The following PLPPR1 variants were observed in gnomAD, a reference collection of about 807,000 sequenced individuals.
PLPPR1 encodes phospholipid phosphatase-related protein type 1.
In PLPPR1, 10 loss-of-function variants were observed where a neutral mutation model predicts 33.1. The ratio of observed to expected loss-of-function variants is 0.30; its 90% CI spans 0.19 to 0.51. The LOEUF (loss-of-function observed/expected upper bound fraction) is 0.51. Ranked by LOEUF, PLPPR1 falls within the 20% of genes least tolerant of loss-of-function variation. The pLI is 0.97. For missense variants in PLPPR1, 304 were observed against 408.1 expected (o/e 0.74, Z 2.20); for synonymous variants, 151 against 151.0 (o/e 1.00, Z 0.00).
At chr9:101,074,412 A>C in intron 1 of PLPPR1, among the ~76,000 whole-genome samples, 1 of 152,158 alleles carries the variant, frequency 6.6e-6, no homozygotes, top group South Asian at 2.1e-4. Flanking sequence ...CTTACCCAAC[A>C]TGACCCAGCT....
In PLPPR1 at chr9:101,216,468, C is replaced by T. The variant is rs761459248; in HGVS notation, c.63+30911C>T. Among the ~76,000 whole-genome samples, 8 of 152,012 alleles carry T rather than the reference C, an allele frequency of 5.3e-5. No individual in the cohort carries two copies. The South Asian group carries it at 6.2e-4, about 12-fold the overall frequency. On this transcript the variant is annotated intron_variant, in intron 2 of 7. Transcript: ENST00000374874. ...TGGGTAGTTTGTAAATATTTTCTCC[C>T]GTTCTGAATGTTGTCTCTTCATTTT...
chr9:101,254,955 T>C (rs900670395), intron 2 of PLPPR1, among the ~76,000 whole-genome samples: 1 of 152,170 alleles, frequency 6.6e-6, no homozygotes, highest in African/African-American at 2.4e-5. Context: ...TGCCAGGTTG[T>C]ACTCCAAAAT....
chr9:101,122,717 A>G (rs963509018), intron 1 of PLPPR1, among the ~76,000 whole-genome samples: 3 of 152,112 alleles, frequency 2.0e-5, no homozygotes, highest in Non-Finnish European at 2.9e-5. Flanking sequence ...TATGAAAAAT[A>G]CTCTGTTCTA....
intron 1 of PLPPR1, among the ~76,000 whole-genome samples, chr9:101,116,807 CAAAAA>C (rs35906894): frequency 8.4e-6 from 1 of 118,372 alleles, no homozygotes. Context: ...GACTCCATCT[CAAAAA>C]AAAAAAAAAA....
At position 101,319,481 on chromosome 9, in the gene PLPPR1, A is replaced by G. The variant is rs142731511; in HGVS notation, c.945+1985A>G. On this transcript the variant is annotated intron_variant, in intron 7 of 7. Transcript: ENST00000374874. ...GAGGGCGGGGCTTGGGGGGGTTGGA[A>G]CAAGAAATCTACCTCCGTATCTCCA... 3.7e-4 allele frequency among the ~76,000 whole-genome samples: 57 copies of G among 152,308 alleles called. No homozygotes were observed. The East Asian group carries it at 0.011, about 29-fold the overall frequency.
intron 2 of PLPPR1, among the ~76,000 whole-genome samples, chr9:101,231,672 C>T (rs1827189683): frequency 6.6e-6 from 1 of 152,040 alleles, no homozygotes; most frequent in Admixed American, 6.6e-5. Context: ...AGGGAATTCT[C>T]ACCCTTGACA....
At chr9:101,296,976 A>G (rs536110884) in intron 4 of PLPPR1, among the ~76,000 whole-genome samples, 11 of 152,240 alleles carry the variant, frequency 7.2e-5, no homozygotes, top group Admixed American at 1.3e-4. Flanking sequence ...AAAAAACACT[A>G]TGAATCCATA....
chr9:101,310,073 G>T (rs896925703), intron 5 of PLPPR1, among the ~76,000 whole-genome samples: 3 of 152,120 alleles, frequency 2.0e-5, no homozygotes, highest in African/African-American at 7.2e-5. Flanking sequence ...CCCCACTGGG[G>T]TATAATTTTC....
chr9:101,107,976 C>T (rs1830997809), intron 1 of PLPPR1, among the ~76,000 whole-genome samples: 2 of 150,270 alleles, frequency 1.3e-5, no homozygotes. Flanking sequence ...TTGCGCTTCC[C>T]AGGTGAGGCA....
intron 5 of PLPPR1, among the ~76,000 whole-genome samples, chr9:101,310,329 C>T (rs940201600): frequency 6.6e-6 from 1 of 152,162 alleles, no homozygotes; most frequent in Non-Finnish European, 1.5e-5. Context: ...AGTGGCAGAG[C>T]AACTGTTGGC....
intron 6 of PLPPR1, among the ~76,000 whole-genome samples, chr9:101,313,278 G>A (rs1321719580): frequency 6.6e-6 from 1 of 152,028 alleles, no homozygotes; most frequent in Non-Finnish European, 1.5e-5. Flanking sequence ...ATGATAAATT[G>A]GCACACCTTC....
intron 1 of PLPPR1, among the ~76,000 whole-genome samples, chr9:101,034,689 G>A (rs935278177): frequency 5.3e-5 from 8 of 152,052 alleles, no homozygotes; most frequent in African/African-American, 1.9e-4. Flanking sequence ...TGTAAAGGTC[G>A]GACAGAGTAA....
intron 1 of PLPPR1, among the ~76,000 whole-genome samples, chr9:101,140,352 C>G (rs934842093): frequency 6.6e-6 from 1 of 152,100 alleles, no homozygotes; most frequent in African/African-American, 2.4e-5. Context: ...GTACTAGACT[C>G]TGGTTGTTAC....
At chr9:101,236,215 G>A (rs1469470757) in intron 2 of PLPPR1, among the ~76,000 whole-genome samples, 3 of 151,608 alleles carry the variant, frequency 2.0e-5, no homozygotes, top group East Asian at 1.9e-4. Context: ...GCAAACTATA[G>A]CATCTATCTT....
chr9:101,146,671 A>G (rs1418249032), intron 1 of PLPPR1, among the ~76,000 whole-genome samples: 4 of 152,214 alleles, frequency 2.6e-5, no homozygotes, highest in African/African-American at 9.6e-5. Context: ...TAAGGGCCTA[A>G]GAAGCAATTA....
chr9:101,162,289 C>T (rs1389320988), intron 1 of PLPPR1, among the ~76,000 whole-genome samples: 1 of 152,070 alleles, frequency 6.6e-6, no homozygotes, highest in Non-Finnish European at 1.5e-5. Context: ...GCTTTGTCCC[C>T]ACCCCACAAG....
At chr9:101,183,004 A>T (rs1344638564) in intron 1 of PLPPR1, among the ~76,000 whole-genome samples, 1 of 151,782 alleles carries the variant, frequency 6.6e-6, no homozygotes, top group Non-Finnish European at 1.5e-5. Flanking sequence ...AATGTCAATG[A>T]CAGTGTGGAG....
intron 1 of PLPPR1, among the ~76,000 whole-genome samples, chr9:101,031,129 C>G (rs1386652476): frequency 6.6e-6 from 1 of 152,100 alleles, no homozygotes; most frequent in Non-Finnish European, 1.5e-5. Flanking sequence ...GGGGATTTAA[C>G]TATAATTGTC....
rs370193024 is a variant in PLPPR1, at chr9:101,237,836, T to TCTATATAG, written c.64-32044_64-32043insCTATATAG. ...GTGTGCATATATATATATATATATA[T>TCTATATAG]GCTATATATGTGTGTGTGTATATAT... On this transcript the variant is annotated intron_variant, in intron 2 of 7. Coordinates refer to ENST00000374874, the MANE Select transcript of PLPPR1 (RefSeq NM_207299.2). Among the ~76,000 whole-genome samples, 8 of 129,892 alleles carry TCTATATAG rather than the reference T, an allele frequency of 6.2e-5. No individual in the cohort carries two copies. The East Asian group carries it at 1.9e-3, about 30-fold the overall frequency. 85.2% of individuals were successfully genotyped at this position (129,892 alleles called of 152,430 possible). A position where few individuals can be genotyped will look rare whatever the true frequency, so the allele number is the denominator to read the frequency against.
Sources: allele counts gnomAD v4.1 joint callset (sites outside exome capture counted in the v4.1 genomes callset), GRCh38; gene constraint gnomAD v4.1.1; transcripts MANE v1.5; gene names NCBI Gene and HGNC (gene_info 2026-07-23, HGNC 2026-07-21).